SPAG6: variants seen among roughly 807,000 people sequenced by gnomAD.
SPAG6 encodes sperm associated antigen 6, also known as sperm-associated antigen 6.
In SPAG6, 49 loss-of-function variants were observed where a neutral mutation model predicts 58.5. The ratio of observed to expected loss-of-function variants is 0.84; its 90% CI spans 0.67 to 1.06. The LOEUF is 1.06. SPAG6 is among the 50% of genes least tolerant of loss of function. SPAG6 has a pLI of 0.00. For synonymous variants in SPAG6, 233 were observed against 225.6 expected, an observed-to-expected ratio of 1.03 and a Z score of -0.29; for missense variants, 560 against 611.3, an observed-to-expected ratio of 0.92 and a Z score of 0.89.
chr10:22,416,734 A>T lies in SPAG6; in HGVS notation c.*46A>T. 3 of 1,088,750 alleles carry T rather than the reference A, an allele frequency of 2.8e-6. No individual in the cohort carries two copies. Among genetic ancestry groups the T allele is most frequent in the Non-Finnish European group, 4.2e-6 (3 of 707,688 alleles). The allele number at this position is 1,088,750 out of a possible 1,614,324, so 67.4% of individuals were successfully genotyped here. On this transcript the variant is annotated 3_prime_UTR_variant, in exon 11 of 11. Coordinates refer to ENST00000376624, the MANE Select transcript of SPAG6 (RefSeq NM_012443.4). Reference sequence around the variant, plus strand: ...TCAAATTCACAGCAGAGTAGTTTTGAGTAACAGTAATTAAATCCTTCTAAA... The same window carrying T: ...TCAAATTCACAGCAGAGTAGTTTTGTGTAACAGTAATTAAATCCTTCTAAA...
intron 2 of SPAG6, among the ~76,000 whole-genome samples, chr10:22,351,771 A>AG (rs1449660323): frequency 6.6e-6 from 1 of 152,208 alleles, no homozygotes; most frequent in Non-Finnish European, 1.5e-5. Context: ...AATACAAGTC[A>AG]GGCCTCCCTA....
intron 9 of SPAG6, among the ~76,000 whole-genome samples, chr10:22,408,815 C>T (rs1019669684): frequency 1.3e-5 from 2 of 152,206 alleles, no homozygotes; most frequent in African/African-American, 2.4e-5. Flanking sequence ...CCCTCCGAGC[C>T]ATGTGTGGGA....
intron 6 of SPAG6, among the ~76,000 whole-genome samples, chr10:22,388,746 AG>A (rs1173688924): frequency 1.3e-5 from 2 of 152,158 alleles, no homozygotes; most frequent in Non-Finnish European, 1.5e-5. Flanking sequence ...TTACTAGCAA[AG>A]GGGGAATAAT....
intron 8 of SPAG6, among the ~76,000 whole-genome samples, chr10:22,394,888 T>C (rs1173508947): frequency 1.3e-5 from 2 of 152,040 alleles, no homozygotes; most frequent in Non-Finnish European, 2.9e-5. Context: ...TTTTTTCTTT[T>C]TTTGGAGAGA....
chr10:22,347,146 C>T (rs893171374), intron 2 of SPAG6, among the ~76,000 whole-genome samples: 2 of 152,192 alleles, frequency 1.3e-5, no homozygotes, highest in African/African-American at 4.8e-5. Context: ...CTCTCTCTTG[C>T]CCTTTTATAG....
chr10:22,411,706 G>T (rs1296658802), intron 10 of SPAG6: 2 of 151,964 alleles, frequency 1.3e-5, no homozygotes, highest in African/African-American at 4.8e-5. Context: ...TAATAAAAAA[G>T]ATTCATTTTT....
intron 2 of SPAG6, among the ~76,000 whole-genome samples, chr10:22,346,491 TTCTTCTTTC>T (rs1410686757): frequency 4.4e-4 from 58 of 130,478 alleles, no homozygotes; most frequent in African/African-American, 2.4e-3. Context: ...CTTCTTCTTC[TTCTTCTTTC>T]TTCTTCTTCT....
intron 4 of SPAG6, among the ~76,000 whole-genome samples, chr10:22,385,462 C>T (rs1286535321): frequency 6.6e-6 from 1 of 152,160 alleles, no homozygotes; most frequent in Non-Finnish European, 1.5e-5. Flanking sequence ...AGCTTTTACA[C>T]CAAATTTTAA....
intron 4 of SPAG6, among the ~76,000 whole-genome samples, chr10:22,384,061 G>A (rs183721623): frequency 2.6e-5 from 4 of 152,332 alleles, no homozygotes; most frequent in East Asian, 3.9e-4. Flanking sequence ...AAAGTTCAGA[G>A]TAAGGGCAGT....
Position 22,345,637 on chromosome 10 carries a change from G to C in SPAG6, c.25+1G>C, listed in dbSNP as rs755359996. On this transcript the variant is annotated splice_donor_variant, in intron 1 of 10. Coordinates refer to ENST00000376624, the MANE Select transcript of SPAG6 (RefSeq NM_012443.4). LOFTEE classifies it high-confidence loss of function. This position sits in a 1 kb window ranked among gnomAD's most constrained non-coding sequence, Gnocchi z 6.3. ...ATGAGTCAGAGGCAGGTGCTGCAAG[G>C]TAGGGCCGAGGCGGGCAGGTGCCCT... 2 of 1,546,598 alleles carry C rather than the reference G, an allele frequency of 1.3e-6. No homozygotes were observed. Among genetic ancestry groups the C allele is most frequent in the Non-Finnish European group, 1.7e-6 (2 of 1,146,740 alleles).
chr10:22,360,623 T>C (rs1837008200), intron 2 of SPAG6: 1 of 155,474 alleles, frequency 6.4e-6, no homozygotes, highest in Admixed American at 6.5e-5. Context: ...TCAGTTTTTA[T>C]AGAGCAGACA....
intron 10 of SPAG6, chr10:22,412,428 C>T: frequency 2.1e-6 from 3 of 1,435,684 alleles, no homozygotes; most frequent in Non-Finnish European, 2.8e-6. Context: ...GTTTTCTATC[C>T]ACATATTTTT....
At chr10:22,378,024 T>C (rs1012309779) in intron 4 of SPAG6, among the ~76,000 whole-genome samples, 1 of 150,910 alleles carries the variant, frequency 6.6e-6, no homozygotes, top group African/African-American at 2.4e-5. Context: ...ATTTACGGGG[T>C]ACAAGTACAG....
intron 10 of SPAG6, among the ~76,000 whole-genome samples, chr10:22,412,148 C>G (rs116516499): frequency 2.6e-5 from 4 of 152,062 alleles, no homozygotes; most frequent in Admixed American, 2.0e-4. Flanking sequence ...CGCGACCGCC[C>G]GGCCAAACAA....
chr10:22,378,037 C>CTTTTTTTCTTTTCTTTTTTTT (rs1833860112), intron 4 of SPAG6, among the ~76,000 whole-genome samples: 2 of 135,012 alleles, frequency 1.5e-5, no homozygotes, highest in Admixed American at 7.3e-5. Flanking sequence ...AAGTACAGAT[C>CTTTTTTTCTTTTCTTTTTTTT]TTTTTTTCTT....
chr10:22,360,986 A>G (rs796553130), intron 2 of SPAG6: 2 of 654,782 alleles, frequency 3.1e-6, no homozygotes, highest in African/African-American at 3.6e-5. Flanking sequence ...TTAGAATAAC[A>G]AAGTCTCCAT....
intron 8 of SPAG6, among the ~76,000 whole-genome samples, chr10:22,392,890 A>G (rs552464573): frequency 9.2e-5 from 14 of 152,230 alleles, no homozygotes; most frequent in African/African-American, 3.4e-4. Context: ...TTATTTCTCT[A>G]CTAATGCATT....
intron 9 of SPAG6, among the ~76,000 whole-genome samples, chr10:22,402,009 G>A (rs57283505): frequency 0.1 from 15,388 of 152,132 alleles, 2,129 homozygotes; most frequent in African/African-American, 0.32. Context: ...TTATGAGCTC[G>A]GTTCTGAATT....
chr10:22,364,923 T>C lies in SPAG6; in HGVS notation c.192T>C (p.Ala64=). 6.2e-7 allele frequency: 1 copy of C among 1,613,640 alleles called. No homozygotes were observed. The highest frequency in any genetic ancestry group is 8.5e-7 in the Non-Finnish European group (1 of 1,179,684). ...CAATTCAACAGACTGCTGCTTTGGC[T>C]CTTGGGAGACTGGCCAATTATAATG... The part of the protein sequence containing the change: ...VPTIQQTAAL[A]LGRLANYNDD... Residue 64 remains alanine (A), a synonymous_variant, in exon 3 of 11, where the codon GCT becomes GCC. Transcript: ENST00000376624.
Sources: gnomAD v4.1 joint callset for allele counts (sites outside exome capture counted in the v4.1 genomes callset) on GRCh38, gnomAD v4.1.1 for gene constraint, Gnocchi (gnomAD v3.1) non-coding constraint, MANE v1.5 for transcripts, NCBI Gene and HGNC (gene_info 2026-07-23, HGNC 2026-07-21) for gene names.